Variants in CAPG observed in about 807,000 individuals in gnomAD.
The protein encoded by CAPG is capping actin protein, gelsolin like.
CAPG carries 32 observed loss-of-function variants against 44.6 expected under a neutral mutation model. That is an observed-to-expected ratio of 0.72 (90% CI 0.54 to 0.96). CAPG has a LOEUF of 0.96. Among genes scored for constraint, CAPG ranks in the 50% least tolerant of loss-of-function variants. The pLI is 0.00. For missense variants in CAPG, 412 were observed against 438.3 expected, an observed-to-expected ratio of 0.94 and a Z score of 0.54; for synonymous variants, 175 against 179.6, an observed-to-expected ratio of 0.97 and a Z score of 0.20.
rs73945742 is a variant in CAPG at position 85,395,460 on chromosome 2, C to A, written c.981+78G>T. 17,949 of 1,221,664 alleles carry A rather than the reference C, an allele frequency of 0.015. 396 individuals carry two copies. Among genetic ancestry groups the A allele is most frequent in the African/African-American group, 0.093 (6,253 of 67,282 alleles). 75.7% of individuals were successfully genotyped at this position (1,221,664 alleles called of 1,614,324 possible). On this transcript the variant is annotated intron_variant, in intron 9 of 9. Coordinates refer to ENST00000263867, the MANE Select transcript of CAPG (RefSeq NM_001747.4). The surrounding 1 kb of genome is among the most constrained non-coding windows in gnomAD (Gnocchi z 4.3). ...TGACAGTGCCCAAGGCTCTCCTGCCCTTCCTGGCCAATTTGAGGGGTCAGG... is the reference window on the plus strand; with the variant it reads ...TGACAGTGCCCAAGGCTCTCCTGCCATTCCTGGCCAATTTGAGGGGTCAGG...
At chr2:85,415,086 C>A (rs1274696986), upstream of CAPG, among the ~76,000 whole-genome samples, 1 of 152,224 alleles carries the variant, frequency 6.6e-6, no homozygotes, top group African/African-American at 2.4e-5. Flanking sequence ...TGACCTCAGA[C>A]AAGCACACTC....
chr2:85,418,533 T>G (rs1558742274), upstream of CAPG: 1 of 143,554 alleles, frequency 7.0e-6, no homozygotes, highest in African/African-American at 2.6e-5. Flanking sequence ...CGGCCTGTGG[T>G]GCCTTTGCTG....
chr2:85,392,602 C>T (rs67943011), downstream of CAPG, among the ~76,000 whole-genome samples: 26,971 of 152,154 alleles, frequency 0.18, 2,563 homozygotes, highest in East Asian at 0.37. Context: ...GCCACCCAGG[C>T]GTGGAGGGGA....
At chr2:85,398,212 G>A in intron 7 of CAPG, 60 bp from the exon 8 acceptor site, 1 of 1,579,330 alleles carries the variant, frequency 6.3e-7, no homozygotes, top group Admixed American at 1.7e-5. Flanking sequence ...ACCTCAGCCT[G>A]AGGAGGGGGA....
At position 85,417,722 on chromosome 2, in the gene CAPG, G is replaced by C. The variant is rs1286307617; in HGVS notation, c.-14+545C>G. Among the ~76,000 whole-genome samples, 5 of 151,968 alleles carry C rather than the reference G, an allele frequency of 3.3e-5. 1 individual carries two copies. The East Asian group carries it at 9.6e-4, about 29-fold the overall frequency. ...TGGTCTTGAACCCCTGACCTCAGGT[G>C]ATCTGCTTGCCTCAGCCTCCCAAAA... is the stretch of plus-strand genomic sequence containing the variant. On this transcript the variant is annotated intron_variant, in intron 1 of 5. Transcript: ENST00000409275.
chr2:85,417,608 G>T (rs1388372066), intron 1 of CAPG, among the ~76,000 whole-genome samples: 1 of 149,798 alleles, frequency 6.7e-6, no homozygotes, highest in Non-Finnish European at 1.5e-5. Flanking sequence ...TCAGCCTCCC[G>T]AGTAGCTGGG....
intron 1 of CAPG, among the ~76,000 whole-genome samples, chr2:85,402,455 CAA>C (rs1005462174): frequency 2.0e-5 from 3 of 152,072 alleles, no homozygotes; most frequent in African/African-American, 4.8e-5. Context: ...AAAACAGAAA[CAA>C]GAGAGAAGAG....
chr2:85,412,034 C>G (rs1687427846), upstream of CAPG, among the ~76,000 whole-genome samples: 1 of 151,788 alleles, frequency 6.6e-6, no homozygotes. Context: ...TGCACTCCAG[C>G]CTGGGAGACA....
upstream of CAPG, among the ~76,000 whole-genome samples, chr2:85,411,952 C>T (rs1474260535): frequency 6.6e-6 from 1 of 151,798 alleles, no homozygotes; most frequent in African/African-American, 2.4e-5. Flanking sequence ...ATCCTAGCTA[C>T]TGGAGCGACT....
rs372795614 is a variant in CAPG, at chr2:85,398,147, A to G, written c.765T>C (p.Ser255=). The G allele has an allele frequency of 1.2e-6, 2 of 1,613,348 alleles. No homozygotes were observed. Among genetic ancestry groups the G allele is most frequent in the Non-Finnish European group, 1.7e-6 (2 of 1,179,902 alleles). ...TCAGGTTCATCTGTCCAGTGGCATC[A>G]GAGACCTGGGGAGGAGGGACAGTGC... is the stretch of plus-strand genomic sequence containing the variant. ...NAQAAALYKV[S]DATGQMNLTK... The change falls in exon 8 of 10, where the codon TCT becomes TCC. Residue 255 remains serine, a synonymous_variant. Transcript: ENST00000263867.
intron 4 of CAPG, 69 bp from the exon 5 acceptor site, chr2:85,401,398 G>A: frequency 6.3e-7 from 1 of 1,580,430 alleles, no homozygotes; most frequent in South Asian, 1.1e-5. Context: ...CCATCCCACT[G>A]GAAGACGGGC....
At chr2:85,415,958 C>CA (rs1195270332) in intron 1 of CAPG, among the ~76,000 whole-genome samples, 1 of 152,146 alleles carries the variant, frequency 6.6e-6, no homozygotes, top group Non-Finnish European at 1.5e-5. Context: ...CTCAAGTGAT[C>CA]CTCCTTCCTC....
intron 7 of CAPG, chr2:85,398,365 G>A: frequency 1.7e-6 from 1 of 604,006 alleles, no homozygotes; most frequent in South Asian, 2.1e-5. Context: ...CAGCACAGGG[G>A]CCCCGAACCC....
At chr2:85,405,359 T>G (rs952334272) in intron 1 of CAPG, among the ~76,000 whole-genome samples, 1 of 152,218 alleles carries the variant, frequency 6.6e-6, no homozygotes, top group Non-Finnish European at 1.5e-5. Flanking sequence ...AGAGCCAGCA[T>G]GCACTTCGTA....
chr2:85,400,522 C>T (rs1468013738), intron 5 of CAPG, among the ~76,000 whole-genome samples: 1 of 152,162 alleles, frequency 6.6e-6, no homozygotes, highest in Non-Finnish European at 1.5e-5. Flanking sequence ...ATTTCCCTCC[C>T]CCTGCTCCTG....
rs1369137605 is a variant in CAPG, at chr2:85,394,809, A to AC, written c.*83dup. The AC allele has an allele frequency of 4.3e-6, 4 of 920,618 alleles. No individual in the cohort carries two copies. The East Asian group carries it at 7.2e-5, about 17-fold the overall frequency. The allele number at this position is 920,618 out of a possible 1,614,324, so 57.0% of individuals were successfully genotyped here. ...CCTTTATTGAACATCTGCAGGGGGC[A>AC]CCTCTGCACTGACCAGGCAGCCAGA... On this transcript the variant is annotated 3_prime_UTR_variant, in exon 10 of 10. Transcript: ENST00000263867.
upstream of CAPG, among the ~76,000 whole-genome samples, chr2:85,413,546 C>G (rs1450531750): frequency 1.3e-5 from 2 of 152,188 alleles, no homozygotes; most frequent in Non-Finnish European, 2.9e-5. Context: ...CGCCACTGCA[C>G]TCCAGCCTGG....
At chr2:85,407,712 C>CA (rs60228110) in intron 1 of CAPG, among the ~76,000 whole-genome samples, 32,158 of 91,092 alleles carry the variant, frequency 0.35, 5,244 homozygotes, top group East Asian at 0.5. Context: ...GACTCTGTCT[C>CA]AAAAAAAAAA....
intron 5 of CAPG, 43 bp downstream of exon 5, chr2:85,401,122 G>T (rs1489698481): frequency 1.3e-6 from 2 of 1,582,774 alleles, no homozygotes; most frequent in East Asian, 4.5e-5. Flanking sequence ...CCTTATAAAG[G>T]ATGGTGCCAA....
Sources: allele counts gnomAD v4.1 joint callset (sites outside exome capture counted in the v4.1 genomes callset), GRCh38; gene constraint gnomAD v4.1.1; non-coding constraint Gnocchi (gnomAD v3.1); transcripts MANE v1.5; gene names NCBI Gene and HGNC (gene_info 2026-07-23, HGNC 2026-07-21).